RASGRF1: variants seen among roughly 807,000 people sequenced by gnomAD.
The protein encoded by RASGRF1 is ras-specific guanine nucleotide-releasing factor 1.
RASGRF1 carries 40 observed loss-of-function variants against 138.7 expected under a neutral mutation model. The ratio of observed to expected loss-of-function variants is 0.29; its 90% CI spans 0.22 to 0.38. The LOEUF is 0.38. RASGRF1 is among the 10% of genes least tolerant of loss of function. The probability of loss-of-function intolerance (pLI) is 1.00; values close to 1 mark genes in which losing one functional copy is unlikely to be tolerated. For missense variants in RASGRF1, 1,108 were observed against 1,650.4 expected, an observed-to-expected ratio of 0.67 and a Z score of 5.69; for synonymous variants, 614 against 663.2, an observed-to-expected ratio of 0.93 and a Z score of 1.14.
intron 1 of RASGRF1, among the ~76,000 whole-genome samples, chr15:79,069,519 T>C (rs754581346): frequency 2.0e-5 from 3 of 152,230 alleles, no homozygotes; most frequent in Non-Finnish European, 2.9e-5. Context: ...GATAGAATTT[T>C]CTCTGTGCCA....
chr15:79,080,016 T>C (rs2057893427), intron 1 of RASGRF1, among the ~76,000 whole-genome samples: 1 of 152,216 alleles, frequency 6.6e-6, no homozygotes, highest in Non-Finnish European at 1.5e-5. Flanking sequence ...ATACTGGCGG[T>C]GCCTCTGCCC....
intron 1 of RASGRF1, among the ~76,000 whole-genome samples, chr15:79,064,984 C>G (rs559651881): frequency 1.3e-5 from 2 of 152,294 alleles, no homozygotes; most frequent in South Asian, 4.2e-4. Flanking sequence ...CCTGTAAGAG[C>G]CCACTGAAAG....
chr15:78,978,582 T>A (rs1240451891), intron 24 of RASGRF1: 1 of 988,452 alleles, frequency 1.0e-6, no homozygotes, highest in Non-Finnish European at 1.2e-6. Context: ...ATGAATGGGC[T>A]GCAGACCAAC....
rs1318324058 is a variant in RASGRF1, at chr15:79,020,063, C to A, written c.1584G>T (p.Glu528Asp). 1.2e-6 allele frequency: 2 copies of A among 1,614,130 alleles called. No homozygotes were observed. Among genetic ancestry groups the A allele is most frequent in the African/African-American group, 2.7e-5 (2 of 75,072 alleles). ...ISLIDCTLLE[E>D]PESTEEEAKG... is the part of the protein sequence containing the mutation. ...CACCTTCCTCCTCCGTGCTTTCTGG[C>A]TCCTCCAATAAAGTGCAGTCAATGA... Residue 528 changes from glutamate (E) to aspartate (D), a missense_variant, in exon 11 of 27, where the codon GAG becomes GAT. Physicochemically the swap from Glu to Asp is conservative, Grantham distance 45 (BLOSUM62 2). Transcript: ENST00000558480.
In RASGRF1 at chr15:79,004,152, C is replaced by T; in HGVS notation, c.2099G>A (p.Ser700Asn). The T allele has an allele frequency of 6.3e-7, 1 of 1,592,050 alleles. No homozygotes were observed. The highest frequency in any genetic ancestry group is 8.6e-7 in the Non-Finnish European group (1 of 1,165,824). Residue 700 changes from serine to asparagine, a missense_variant, in exon 15 of 27, where the codon AGT becomes AAT. Coordinates refer to ENST00000558480, the MANE Select transcript of RASGRF1 (RefSeq NM_001145648.3). ...PARSLELLFASGQNNKLLYGE... is the reference protein window; with the variant it reads ...PARSLELLFANGQNNKLLYGE... ...GTACAGGAGCTTATTGTTCTGGCCA[C>T]TGGCAAACAGGAGCTCCAGCGACCT...
At chr15:79,043,776 C>G (rs1471773825) in intron 5 of RASGRF1, among the ~76,000 whole-genome samples, 1 of 152,212 alleles carries the variant, frequency 6.6e-6, no homozygotes. Flanking sequence ...CAGGCATGCA[C>G]ACTGCCCAGG....
Position 79,058,347 on chromosome 15 carries a change from C to A in RASGRF1, c.518G>T (p.Arg173Leu). The change falls in exon 3 of 27, where the codon CGG becomes CTG. Residue 173 changes from arginine to leucine, a missense_variant. Around this residue, in one of 3 missense-constraint regions of RASGRF1, gnomAD observed 253 missense variants for 329.5 expected, o/e 0.77. Coordinates refer to ENST00000558480, the MANE Select transcript of RASGRF1 (RefSeq NM_001145648.3). ...GCCCGCAGTCACCTCTGCCTTCAGC[C>A]GCTCGATCTCGATCTCCCCATCCTC... ...QIEDGEIEIE[R>L]LKAEITSLLK... 2 of 1,613,526 alleles carry A rather than the reference C, an allele frequency of 1.2e-6. No homozygotes were observed. Among genetic ancestry groups the A allele is most frequent in the South Asian group, 2.2e-5 (2 of 91,072 alleles).
At chr15:79,001,383 G>C (rs2056520826) in intron 16 of RASGRF1, among the ~76,000 whole-genome samples, 1 of 152,136 alleles carries the variant, frequency 6.6e-6, no homozygotes, top group African/African-American at 2.4e-5. Context: ...ACCTGTGCTG[G>C]GTGGGCTCAA....
intron 12 of RASGRF1, among the ~76,000 whole-genome samples, chr15:79,016,310 C>T (rs947236710): frequency 1.1e-4 from 17 of 152,232 alleles, no homozygotes; most frequent in African/African-American, 4.1e-4. Flanking sequence ...GCCCAGACTT[C>T]TGGGCAAGGC....
intron 26 of RASGRF1, among the ~76,000 whole-genome samples, chr15:78,970,621 C>CAAAAAAAAAAAAAAAAAAAAAAAAAA (rs55689628): frequency 1.7e-5 from 1 of 57,904 alleles, no homozygotes; most frequent in Non-Finnish European, 3.5e-5. Flanking sequence ...GACTCTGTCT[C>CAAAAAAAAAAAAAAAAAAAAAAAAAA]AAAAAAAAAA....
chr15:78,975,493 T>C (rs1437645769), intron 24 of RASGRF1, among the ~76,000 whole-genome samples: 1 of 149,916 alleles, frequency 6.7e-6, no homozygotes, highest in Non-Finnish European at 1.5e-5. Context: ...TGCACAGGTC[T>C]TCATTTCCTT....
intron 14 of RASGRF1, chr15:79,005,488 AC>A (rs778002110): frequency 6.1e-6 from 6 of 985,062 alleles, no homozygotes; most frequent in Non-Finnish European, 7.2e-6. Context: ...AAAGATAATC[AC>A]CTACCATTCC....
At chr15:79,017,368 T>C (rs1031464792) in intron 12 of RASGRF1, among the ~76,000 whole-genome samples, 28 of 152,188 alleles carry the variant, frequency 1.8e-4, no homozygotes, top group African/African-American at 2.7e-4. Context: ...ACATCTAATA[T>C]GTTCAGACTT....
At position 78,990,342 on chromosome 15, in the gene RASGRF1, C is replaced by A. The variant is rs549863436; in HGVS notation, c.3132-69G>T. ...GCCTTGCTGATTTCATTGCTCCATG[C>A]TTTTTATTTTATTTTTTGGCTTTTT... On this transcript the variant is annotated intron_variant, in intron 21 of 26. Coordinates refer to ENST00000558480, the MANE Select transcript of RASGRF1 (RefSeq NM_001145648.3). The A allele has an allele frequency of 3.7e-6, 4 of 1,090,912 alleles. No individual in the cohort carries two copies. In the East Asian group the frequency reaches 7.1e-5, roughly 19 times the overall value. The allele number at this position is 1,090,912 out of a possible 1,614,324, so 67.6% of individuals were successfully genotyped here.
intron 10 of RASGRF1, among the ~76,000 whole-genome samples, chr15:79,024,697 A>G (rs1291623424): frequency 2.6e-5 from 4 of 152,164 alleles, no homozygotes; most frequent in Non-Finnish European, 5.9e-5. Context: ...CATGTAAGAC[A>G]TGCCTTTGCT....
intron 12 of RASGRF1, among the ~76,000 whole-genome samples, 186 bp from the exon 13 acceptor site, chr15:79,015,595 G>A (rs1479996839): frequency 6.6e-6 from 1 of 152,218 alleles, no homozygotes; most frequent in Non-Finnish European, 1.5e-5. Flanking sequence ...CGGAAGTCAA[G>A]TCTCAGTTGA....
At chr15:78,996,561 G>T (rs1402868764) in intron 19 of RASGRF1, among the ~76,000 whole-genome samples, 3 of 152,186 alleles carry the variant, frequency 2.0e-5, no homozygotes, top group African/African-American at 7.2e-5. Flanking sequence ...CGCAGCTGGA[G>T]CATGGTGGGC....
At position 79,025,289 on chromosome 15, in the gene RASGRF1, C is replaced by T. The variant is rs1208701786; in HGVS notation, c.1542+25G>A. 5.7e-6 allele frequency: 9 copies of T among 1,569,408 alleles called. No homozygotes were observed. The East Asian group carries it at 1.4e-4, about 24-fold the overall frequency. ...TGCATGACCCTAGCTGGGCAGCCCC[C>T]AAGCCCCTCTCCCGTAGCCCTTACC... On this transcript the variant is annotated intron_variant, in intron 10 of 26. Transcript: ENST00000558480.
At chr15:79,070,740 C>T (rs1170734855) in intron 1 of RASGRF1, among the ~76,000 whole-genome samples, 2 of 152,146 alleles carry the variant, frequency 1.3e-5, no homozygotes, top group Non-Finnish European at 2.9e-5. Flanking sequence ...CACTATACTT[C>T]TTTTTTTATT....
Sources: gnomAD v4.1 joint callset for allele counts (sites outside exome capture counted in the v4.1 genomes callset) on GRCh38, gnomAD v4.1.1 for gene constraint, gnomAD v4.1.1 regional missense constraint, MANE v1.5 for transcripts, NCBI Gene and HGNC (gene_info 2026-07-23, HGNC 2026-07-21) for gene names.